Variants in PRTFDC1 observed in about 807,000 individuals in gnomAD.
PRTFDC1 encodes phosphoribosyl transferase domain containing 1.
A neutral mutation model predicts 34.6 loss-of-function variants in PRTFDC1; 38 were observed. That is an observed-to-expected ratio of 1.10 (90% CI 0.85 to 1.44). The LOEUF is 1.44. PRTFDC1 is among the 40% of genes most tolerant of loss of function. PRTFDC1 has a pLI of 0.00. For synonymous variants in PRTFDC1, 93 were observed against 98.1 expected (o/e 0.95, Z 0.31); for missense variants, 270 against 283.0 (o/e 0.95, Z 0.33).
rs1424115387 is a variant in PRTFDC1 at position 24,874,648 on chromosome 10, T to C, written c.340-2585A>G. On this transcript the variant is annotated intron_variant, in intron 3 of 8. Transcript: ENST00000320152. The stretch of plus-strand genomic sequence containing the variant: ...AAACCACAAAAATCAGATAACTAAA[T>C]AATGTGCTAAAAGTCATAGATTATG... Among the ~76,000 whole-genome samples the C allele has an allele frequency of 2.6e-5, 4 of 152,344 alleles. No individual in the cohort carries two copies. In the East Asian group the frequency reaches 5.8e-4, roughly 22 times the overall value.
intron 3 of PRTFDC1, among the ~76,000 whole-genome samples, chr10:24,917,171 T>C (rs1261878896): frequency 6.6e-6 from 1 of 152,210 alleles, no homozygotes; most frequent in Non-Finnish European, 1.5e-5. Context: ...TCCCATAATC[T>C]ACTTTTCATC....
chr10:24,858,822 C>T (rs541698041), intron 4 of PRTFDC1, among the ~76,000 whole-genome samples: 12 of 152,276 alleles, frequency 7.9e-5, no homozygotes, highest in African/African-American at 2.9e-4. Context: ...ATCATGGGTT[C>T]AGCTGTGACA....
At chr10:24,907,141 G>A (rs997641368) in intron 3 of PRTFDC1, among the ~76,000 whole-genome samples, 1 of 151,964 alleles carries the variant, frequency 6.6e-6, no homozygotes, top group Non-Finnish European at 1.5e-5. Flanking sequence ...GAGCCCAGGA[G>A]TCAGACACTG....
rs1353627503 is a variant in PRTFDC1 at position 24,952,184 on chromosome 10, CG to C, written c.48+343del. On this transcript the variant is annotated intron_variant, in intron 1 of 8. Transcript: ENST00000320152. The surrounding 1 kb of genome is among the most constrained non-coding windows in gnomAD (Gnocchi z 5.1). ...AGAAGGAGGCCTCCAGAGCAGCACG[CG>C]GGGGTCTCTGGGGCCCTGCCGGGCT... is the stretch of plus-strand genomic sequence containing the variant. Among the ~76,000 whole-genome samples, 2 of 152,178 alleles carry C rather than the reference CG, an allele frequency of 1.3e-5. No homozygotes were observed. Among genetic ancestry groups the C allele is most frequent in the African/African-American group, 4.8e-5 (2 of 41,456 alleles).
In PRTFDC1 at chr10:24,895,253, C is replaced by CTTTTTTTTTTTTTT. The variant is rs60331186; in HGVS notation, c.340-23204_340-23191dup. 2.9e-4 allele frequency among the ~76,000 whole-genome samples: 31 copies of CTTTTTTTTTTTTTT among 105,184 alleles called. 1 individual carries two copies. Among genetic ancestry groups the CTTTTTTTTTTTTTT allele is most frequent in the African/African-American group, 7.3e-4 (18 of 24,776 alleles). 69.0% of individuals were successfully genotyped at this position (105,184 alleles called of 152,430 possible). On this transcript the variant is annotated intron_variant, in intron 3 of 8. Coordinates refer to ENST00000320152, the MANE Select transcript of PRTFDC1 (RefSeq NM_020200.7). ...TCCTTCTTCTGGAAATCTCCACTTT[C>CTTTTTTTTTTTTTT]TTTTTTTTTTTTTTTTTGAGATGGA...
intron 3 of PRTFDC1, among the ~76,000 whole-genome samples, chr10:24,916,303 C>G (rs897093473): frequency 2.6e-5 from 4 of 152,216 alleles, no homozygotes; most frequent in African/African-American, 9.7e-5. Context: ...CCCTGCTCAA[C>G]CTTTACCCCT....
intron 3 of PRTFDC1, among the ~76,000 whole-genome samples, chr10:24,895,594 G>T (rs1476797243): frequency 6.7e-6 from 1 of 149,998 alleles, no homozygotes; most frequent in Non-Finnish European, 1.5e-5. Flanking sequence ...AATGTGGGGG[G>T]TGGTGCATGA....
chr10:24,952,539 G>A lies in PRTFDC1; in HGVS notation c.37C>T (p.Arg13Ter). 1.9e-6 allele frequency: 3 copies of A among 1,590,300 alleles called. No homozygotes were observed. Among genetic ancestry groups the A allele is most frequent in the Non-Finnish European group, 2.6e-6 (3 of 1,168,082 alleles). Residue 13 changes from arginine to a stop codon, truncating the protein, a stop_gained, in exon 1 of 9, where the codon CGA becomes TGA. Coordinates refer to ENST00000320152, the MANE Select transcript of PRTFDC1 (RefSeq NM_020200.7). LOFTEE classifies it high-confidence loss of function. The surrounding 1 kb of genome is among the most constrained non-coding windows in gnomAD (Gnocchi z 5.1). Reference protein sequence around the residue: ...GSSEEAPDYGRGVVIMDDWPG... With the variant: ...GSSEEAPDYG ...GAGTTTGCATTTACCACGACGCCTC[G>A]CCCGTAGTCTGGCGCCTCCTCGCTG...
At chr10:24,907,365 C>A (rs754858351) in intron 3 of PRTFDC1, among the ~76,000 whole-genome samples, 25 of 151,836 alleles carry the variant, frequency 1.6e-4, no homozygotes, top group Non-Finnish European at 3.2e-4. Flanking sequence ...GAGGCTGAGG[C>A]GGGTGGATCA....
At chr10:24,849,983 A>T in intron 8 of PRTFDC1, 92 bp from the exon 9 acceptor site, 3 of 1,155,266 alleles carry the variant, frequency 2.6e-6, no homozygotes. Context: ...GCCATCCTGT[A>T]ATTGGCTATT....
chr10:24,924,276 A>G (rs1317396636), intron 3 of PRTFDC1, among the ~76,000 whole-genome samples: 1 of 152,326 alleles, frequency 6.6e-6, no homozygotes, highest in East Asian at 1.9e-4. Flanking sequence ...AGGCAGGCCA[A>G]CATTCAAATT....
At chr10:24,859,742 T>C (rs1241015992) in intron 4 of PRTFDC1, among the ~76,000 whole-genome samples, 1 of 152,236 alleles carries the variant, frequency 6.6e-6, no homozygotes, top group Non-Finnish European at 1.5e-5. Context: ...TTTTAATTTC[T>C]TGTTTGATAT....
intron 3 of PRTFDC1, among the ~76,000 whole-genome samples, chr10:24,916,907 A>G (rs931188657): frequency 4.6e-5 from 7 of 152,148 alleles, no homozygotes; most frequent in African/African-American, 1.7e-4. Context: ...CAACAAGGCT[A>G]TCTCTTCCAC....
At chr10:24,908,570 C>T (rs761109821) in intron 3 of PRTFDC1, 5 of 1,612,814 alleles carry the variant, frequency 3.1e-6, no homozygotes, top group Non-Finnish European at 4.2e-6. Context: ...TTGGAGGTAA[C>T]CTCTCCAGAG....
At chr10:24,897,890 CAG>C (rs1057032308) in intron 3 of PRTFDC1, among the ~76,000 whole-genome samples, 3 of 152,064 alleles carry the variant, frequency 2.0e-5, no homozygotes, top group African/African-American at 7.2e-5. Context: ...ATGGGACAGT[CAG>C]AGAGGTGCAC....
intron 3 of PRTFDC1, among the ~76,000 whole-genome samples, chr10:24,910,316 A>T (rs1395282969): frequency 6.6e-6 from 1 of 152,198 alleles, no homozygotes; most frequent in East Asian, 1.9e-4. Context: ...TGCATTGAAA[A>T]CCAGGAAACC....
intron 3 of PRTFDC1, among the ~76,000 whole-genome samples, chr10:24,893,179 A>C (rs16925139): frequency 0.016 from 2,458 of 152,304 alleles, 72 homozygotes; most frequent in African/African-American, 0.056. Context: ...AACTTGAAAA[A>C]ATTTTCATGA....
chr10:24,920,744 T>C (rs1848776183), intron 3 of PRTFDC1, among the ~76,000 whole-genome samples: 1 of 152,194 alleles, frequency 6.6e-6, no homozygotes, highest in Non-Finnish European at 1.5e-5. Flanking sequence ...AGATGTATTC[T>C]GCATAGAGTA....
intron 4 of PRTFDC1, among the ~76,000 whole-genome samples, chr10:24,869,120 T>C (rs1287766459): frequency 1.3e-5 from 2 of 152,176 alleles, no homozygotes; most frequent in Non-Finnish European, 2.9e-5. Context: ...CATTGAATAG[T>C]GGGGCTTATT....
Sources: allele counts gnomAD v4.1 joint callset (sites outside exome capture counted in the v4.1 genomes callset), GRCh38; gene constraint gnomAD v4.1.1; non-coding constraint Gnocchi (gnomAD v3.1); transcripts MANE v1.5; gene names NCBI Gene and HGNC (gene_info 2026-07-23, HGNC 2026-07-21).